Variants in RNF17 observed in about 807,000 individuals in gnomAD.
The protein encoded by RNF17 is ring finger protein 17.
Under a neutral mutation model 200.5 loss-of-function variants are expected in RNF17, and 31 were observed. The ratio of observed to expected loss-of-function variants is 0.15; its 90% CI spans 0.12 to 0.21. The LOEUF (loss-of-function observed/expected upper bound fraction) is 0.21, where lower values mean the gene tolerates loss of function less well. RNF17 is among the 10% of genes least tolerant of loss of function. The pLI is 1.00. For missense variants in RNF17, 1,628 were observed against 1,905.1 expected (o/e 0.85, Z 2.71); for synonymous variants, 606 against 637.8 (o/e 0.95, Z 0.75).
At chr13:24,774,355 G>A (rs1363183293) in intron 2 of RNF17, among the ~76,000 whole-genome samples, 4 of 152,036 alleles carry the variant, frequency 2.6e-5, no homozygotes, top group South Asian at 2.1e-4. Context: ...GATTACAGGC[G>A]CCTGCCACCA....
At chr13:24,825,882 T>C in intron 16 of RNF17, 110 bp downstream of exon 16, 1 of 1,410,912 alleles carries the variant, frequency 7.1e-7, no homozygotes, top group Non-Finnish European at 9.5e-7. Context: ...TCTTATCATT[T>C]GCTCTGCCAT....
chr13:24,883,167 A>G (rs370679181), downstream of RNF17: 22 of 1,611,482 alleles, frequency 1.4e-5, no homozygotes, highest in African/African-American at 4.0e-5. Context: ...TCATGATCAC[A>G]TGAGGATCGT....
chr13:24,762,405 T>C (rs1438472820), upstream of RNF17, among the ~76,000 whole-genome samples: 4 of 146,106 alleles, frequency 2.7e-5, no homozygotes, highest in African/African-American at 1.0e-4. Flanking sequence ...AGAATATGAA[T>C]TGATGAAGAG....
At chr13:24,863,038 CT>C (rs1893255687) in intron 28 of RNF17, among the ~76,000 whole-genome samples, 1 of 152,116 alleles carries the variant, frequency 6.6e-6, no homozygotes, top group Non-Finnish European at 1.5e-5. Flanking sequence ...TTATTAACAG[CT>C]TGTTTTGTTA....
At chr13:24,796,568 G>GCC (rs1884601173) in intron 11 of RNF17, among the ~76,000 whole-genome samples, 3 of 152,144 alleles carry the variant, frequency 2.0e-5, no homozygotes, top group African/African-American at 7.2e-5. Context: ...ACCCATGACA[G>GCC]ATTATATAGC....
the RNF17 span, chr13:24,751,279 T>C: frequency 6.7e-6 from 1 of 150,136 alleles, no homozygotes; most frequent in Non-Finnish European, 1.5e-5. Flanking sequence ...TGTACTATTA[T>C]ATAGGTTTTC....
chr13:24,763,351 C>T (rs2137837334), upstream of RNF17, among the ~76,000 whole-genome samples: 1 of 151,258 alleles, frequency 6.6e-6, no homozygotes, highest in South Asian at 2.1e-4. Context: ...TACAGGCGCC[C>T]ACCGCCACGT....
chr13:24,794,498 A>T (rs1014086903), intron 10 of RNF17, among the ~76,000 whole-genome samples: 15 of 152,074 alleles, frequency 9.9e-5, no homozygotes, highest in African/African-American at 3.6e-4. Context: ...ACATGGTGAA[A>T]CCCTGTCTCT....
chr13:24,845,292 C>T (rs945831698), intron 22 of RNF17, among the ~76,000 whole-genome samples: 2 of 151,898 alleles, frequency 1.3e-5, no homozygotes, highest in African/African-American at 4.8e-5. Flanking sequence ...GAATTCAAAC[C>T]GTTGAATATT....
Position 24,781,839 on chromosome 13 carries a change from T to C in RNF17, c.511-5T>C, listed in dbSNP as rs76489275. 2.0e-6 allele frequency: 3 copies of C among 1,479,324 alleles called. No individual in the cohort carries two copies. The highest frequency in any genetic ancestry group is 1.8e-6 in the Non-Finnish European group (2 of 1,090,138). 91.6% of individuals were successfully genotyped at this position (1,479,324 alleles called of 1,614,324 possible). On this transcript the variant is annotated splice_region_variant and splice_polypyrimidine_tract_variant and intron_variant, in intron 5 of 35. Coordinates refer to ENST00000255324, the MANE Select transcript of RNF17 (RefSeq NM_031277.3). ...AAGTTTTTGTCTTGTTTTTTTTTTT[T>C]CCAGGCACTTGAACACATGCAGAAG...
chr13:24,749,045 C>T, the RNF17 span, among the ~76,000 whole-genome samples: 6 of 152,096 alleles, frequency 3.9e-5, no homozygotes, highest in Non-Finnish European at 5.9e-5. Flanking sequence ...TGAGTCACTG[C>T]GCCCAGCCAA....
chr13:24,804,758 T>G (rs1238230887), intron 15 of RNF17, among the ~76,000 whole-genome samples: 1 of 152,196 alleles, frequency 6.6e-6, no homozygotes, highest in Admixed American at 6.5e-5. Context: ...AATTTACCGA[T>G]TATTATTAGG....
At chr13:24,882,139 TAC>T (rs1953874127), downstream of RNF17, 27 of 6,226 alleles carry the variant, frequency 4.3e-3, 10 homozygotes, top group African/African-American at 7.3e-3. Context: ...TATAGATAGA[TAC>T]ATCTATATAG....
At chr13:24,817,896 C>A (rs1024228958) in intron 15 of RNF17, among the ~76,000 whole-genome samples, 1 of 151,746 alleles carries the variant, frequency 6.6e-6, no homozygotes, top group African/African-American at 2.4e-5. Flanking sequence ...TTTCTTTATC[C>A]TGTCTCATTT....
chr13:24,884,694 A>T (rs1301246180), downstream of RNF17, among the ~76,000 whole-genome samples: 1 of 152,146 alleles, frequency 6.6e-6, no homozygotes, highest in Non-Finnish European at 1.5e-5. Context: ...CTTATCAACA[A>T]TTTGTTACCC....
chr13:24,812,687 T>C (rs1344959778), intron 15 of RNF17, among the ~76,000 whole-genome samples: 797 of 24,668 alleles, frequency 0.032, 39 homozygotes, highest in East Asian at 0.084. Context: ...CCACCCCCTT[T>C]TTTTTTTTTT....
downstream of RNF17, among the ~76,000 whole-genome samples, chr13:24,881,830 CTATATAGA>C (rs1268337552): frequency 1.1e-3 from 150 of 131,214 alleles, no homozygotes; most frequent in Non-Finnish European, 1.7e-3. Context: ...ATAGATACAT[CTATATAGA>C]TATATAGATA....
At chr13:24,750,342 C>T in the RNF17 span, among the ~76,000 whole-genome samples, 1 of 152,104 alleles carries the variant, frequency 6.6e-6, no homozygotes, top group Non-Finnish European at 1.5e-5. Flanking sequence ...TAGAATTTAT[C>T]TGTTTTAACA....
At chr13:24,794,929 G>C (rs1004869576) in intron 10 of RNF17, among the ~76,000 whole-genome samples, 4 of 152,096 alleles carry the variant, frequency 2.6e-5, no homozygotes, top group Admixed American at 6.6e-5. Flanking sequence ...TGTCAGCTAG[G>C]CTGATCTCAA....
Sources: gnomAD v4.1 joint callset for allele counts (sites outside exome capture counted in the v4.1 genomes callset) on GRCh38, gnomAD v4.1.1 for gene constraint, MANE v1.5 for transcripts, NCBI Gene and HGNC (gene_info 2026-07-23, HGNC 2026-07-21) for gene names.